Variants in EPHA6 observed in about 807,000 individuals in gnomAD.
The protein encoded by EPHA6 is EPH receptor A6.
EPHA6 carries 50 observed loss-of-function variants against 112.0 expected under a neutral mutation model. The ratio of observed to expected loss-of-function variants is 0.45; its 90% confidence interval spans 0.36 to 0.56. The LOEUF is 0.56. Among genes scored for constraint, EPHA6 ranks in the 20% least tolerant of loss-of-function variants. The pLI is 0.00. For synonymous variants in EPHA6, 529 were observed against 490.7 expected (o/e 1.08, Z -1.03); for missense variants, 1,280 against 1,417.4 (o/e 0.90, Z 1.56).
chr3:97,446,128 A>C (rs1331363502), intron 6 of EPHA6, among the ~76,000 whole-genome samples: 1 of 152,208 alleles, frequency 6.6e-6, no homozygotes, highest in Non-Finnish European at 1.5e-5. Context: ...TGCATATCAT[A>C]GACAAAAGCT....
Position 97,145,684 on chromosome 3 carries a change from A to C in EPHA6, c.1115-80580A>C, listed in dbSNP as rs147464426. On this transcript the variant is annotated intron_variant, in intron 3 of 17. Coordinates refer to ENST00000389672, the MANE Select transcript of EPHA6 (RefSeq NM_001080448.3). Reference sequence around the variant, plus strand: ...TCAATGAGTCTTGAAATTCTACTGCATAGGTTTTTTATTTTGTGTCATACC... The same window carrying C: ...TCAATGAGTCTTGAAATTCTACTGCCTAGGTTTTTTATTTTGTGTCATACC... 2.5e-3 allele frequency among the ~76,000 whole-genome samples: 382 copies of C among 151,792 alleles called. 3 individuals carry two copies. The highest frequency in any genetic ancestry group is 8.9e-3 in the African/African-American group (370 of 41,528).
intron 2 of EPHA6, among the ~76,000 whole-genome samples, chr3:96,970,688 G>A (rs1294814729): frequency 4.6e-5 from 7 of 152,052 alleles, no homozygotes; most frequent in Non-Finnish European, 1.0e-4. Flanking sequence ...GAAGCTCTAT[G>A]ATGAAAAGAC....
At chr3:97,364,148 A>G (rs1050790292) in intron 5 of EPHA6, among the ~76,000 whole-genome samples, 1 of 152,094 alleles carries the variant, frequency 6.6e-6, no homozygotes, top group African/African-American at 2.4e-5. Flanking sequence ...AAAATAATTT[A>G]AACGGTACAT....
At chr3:97,366,216 A>AT (rs1448653352) in intron 5 of EPHA6, among the ~76,000 whole-genome samples, 3 of 151,978 alleles carry the variant, frequency 2.0e-5, no homozygotes, top group Non-Finnish European at 2.9e-5. Context: ...AGATATTCAC[A>AT]TTTTTTCTGA....
At chr3:97,582,661 T>C (rs1021827442) in intron 11 of EPHA6, among the ~76,000 whole-genome samples, 1 of 152,160 alleles carries the variant, frequency 6.6e-6, no homozygotes, top group African/African-American at 2.4e-5. Flanking sequence ...CTTTCAATTG[T>C]TTCAAGACTG....
chr3:96,981,222 C>G (rs1412724835), intron 2 of EPHA6, among the ~76,000 whole-genome samples: 1 of 152,086 alleles, frequency 6.6e-6, no homozygotes, highest in Non-Finnish European at 1.5e-5. Context: ...GAGATACGTC[C>G]CATCAGTACC....
At chr3:96,819,633 G>A (rs1424034227) in intron 1 of EPHA6, among the ~76,000 whole-genome samples, 4 of 152,002 alleles carry the variant, frequency 2.6e-5, no homozygotes, top group Non-Finnish European at 5.9e-5. Context: ...ATATAGTTAG[G>A]TGATCAAAAT....
rs191476636 is a variant in EPHA6, at chr3:97,624,011, G to A, written c.2574+13157G>A. 3.3e-5 allele frequency among the ~76,000 whole-genome samples: 5 copies of A among 151,542 alleles called. No individual in the cohort carries two copies. The East Asian group carries it at 7.8e-4, about 24-fold the overall frequency. Reference sequence around the variant, plus strand: ...AAATATAACGTGAATGTGAATTCTAGGGTGGACTTCTGTGTTTCTGCCAAA... The same window carrying A: ...AAATATAACGTGAATGTGAATTCTAAGGTGGACTTCTGTGTTTCTGCCAAA... On this transcript the variant is annotated intron_variant, in intron 13 of 17. Transcript: ENST00000389672.
chr3:97,395,033 T>C (rs1159725181), intron 5 of EPHA6, among the ~76,000 whole-genome samples: 1 of 151,650 alleles, frequency 6.6e-6, no homozygotes, highest in Non-Finnish European at 1.5e-5. Flanking sequence ...TCACAGATTC[T>C]GGGAATTAAG....
intron 14 of EPHA6, among the ~76,000 whole-genome samples, chr3:97,700,639 CT>C (rs1433601929): frequency 2.0e-5 from 3 of 152,148 alleles, no homozygotes; most frequent in Non-Finnish European, 4.4e-5. Context: ...AGAACTATCT[CT>C]TTTAAGGTAC....
At chr3:97,256,714 T>C (rs1027621925) in intron 5 of EPHA6, among the ~76,000 whole-genome samples, 4 of 152,064 alleles carry the variant, frequency 2.6e-5, no homozygotes, top group Admixed American at 1.3e-4. Flanking sequence ...GGAGATGTGG[T>C]GGCAGGTTTC....
At chr3:97,667,120 T>C (rs961027366) in intron 14 of EPHA6, among the ~76,000 whole-genome samples, 1 of 152,248 alleles carries the variant, frequency 6.6e-6, no homozygotes, top group Admixed American at 6.5e-5. Flanking sequence ...AGGTTTATTT[T>C]GGCTTACATA....
At chr3:97,685,294 TAA>T (rs1398725176) in intron 14 of EPHA6, among the ~76,000 whole-genome samples, 1 of 152,192 alleles carries the variant, frequency 6.6e-6, no homozygotes, top group Non-Finnish European at 1.5e-5. Context: ...GAACCTAAGA[TAA>T]GAATAAGAGT....
In EPHA6 at chr3:96,966,921, C is replaced by T. The variant is rs1172948823; in HGVS notation, c.451-20409C>T. On this transcript the variant is annotated intron_variant, in intron 2 of 17. Coordinates refer to ENST00000389672, the MANE Select transcript of EPHA6 (RefSeq NM_001080448.3). ...ATCCTTTAAGTATACTGACTTCTAA[C>T]GTAAGCTTCTTGCCTGTGGGAACCA... Among the ~76,000 whole-genome samples, 4 of 152,024 alleles carry T rather than the reference C, an allele frequency of 2.6e-5. No homozygotes were observed. The East Asian group carries it at 7.7e-4, about 29-fold the overall frequency.
At chr3:97,469,739 T>C (rs4857258) in intron 7 of EPHA6, among the ~76,000 whole-genome samples, 28,730 of 151,634 alleles carry the variant, frequency 0.19, 4,104 homozygotes, top group African/African-American at 0.38. Context: ...ATGATTTTAC[T>C]TTCTAGGCAA....
chr3:97,420,978 T>C lies in EPHA6; in HGVS notation c.1731+15704T>C, dbSNP rs570876096. Among the ~76,000 whole-genome samples, 43 of 152,218 alleles carry C rather than the reference T, an allele frequency of 2.8e-4. 1 individual carries two copies. In the South Asian group the frequency reaches 8.7e-3, roughly 31 times the overall value. On this transcript the variant is annotated intron_variant, in intron 6 of 17. Coordinates refer to ENST00000389672, the MANE Select transcript of EPHA6 (RefSeq NM_001080448.3). Reference sequence around the variant, plus strand: ...AGTTCCAAATAATCACCTTAATAGATGCAGAAAAGGCATTTCATGTATACC... The same window carrying C: ...AGTTCCAAATAATCACCTTAATAGACGCAGAAAAGGCATTTCATGTATACC...
chr3:96,824,609 T>G (rs1234962479), intron 1 of EPHA6, among the ~76,000 whole-genome samples: 1 of 152,044 alleles, frequency 6.6e-6, no homozygotes, highest in Non-Finnish European at 1.5e-5. Flanking sequence ...GGCAGGCCAC[T>G]GCCCCAACTT....
chr3:96,882,500 C>A (rs1210748591), intron 2 of EPHA6, among the ~76,000 whole-genome samples: 1 of 152,042 alleles, frequency 6.6e-6, no homozygotes, highest in Non-Finnish European at 1.5e-5. Context: ...ATCCCTTTCC[C>A]ACCTCTCACC....
chr3:96,906,899 G>T (rs1389915358), intron 2 of EPHA6, among the ~76,000 whole-genome samples: 7 of 151,916 alleles, frequency 4.6e-5, no homozygotes, highest in Non-Finnish European at 7.4e-5. Context: ...TGCTTATTGG[G>T]TTTAGGTTTG....
Sources: gnomAD v4.1 joint callset for allele counts (sites outside exome capture counted in the v4.1 genomes callset) on GRCh38, gnomAD v4.1.1 for gene constraint, MANE v1.5 for transcripts, NCBI Gene and HGNC (gene_info 2026-07-23, HGNC 2026-07-21) for gene names.